The following MGAT4C variants were observed in gnomAD, a reference collection of about 807,000 sequenced individuals.
MGAT4C encodes MGAT4 family member C.
Under a neutral mutation model 40.1 loss-of-function variants are expected in MGAT4C, and 19 were observed. That is an observed-to-expected ratio of 0.47 (90% CI 0.33 to 0.70). The LOEUF (loss-of-function observed/expected upper bound fraction) is 0.70, where lower values mean the gene tolerates loss of function less well. Among genes scored for constraint, MGAT4C ranks in the 30% least tolerant of loss-of-function variants. MGAT4C has a pLI of 0.02. For synonymous variants in MGAT4C, 181 were observed against 187.1 expected (o/e 0.97, Z 0.27); for missense variants, 491 against 563.2 (o/e 0.87, Z 1.30).
chr12:86,323,266 A>T (rs1203214671), intron 4 of MGAT4C, among the ~76,000 whole-genome samples: 3 of 151,806 alleles, frequency 2.0e-5, no homozygotes, highest in Non-Finnish European at 4.4e-5. Context: ...TATAAAAATT[A>T]AGTGTTTAGT....
intron 1 of MGAT4C, among the ~76,000 whole-genome samples, chr12:86,099,998 CATTAT>C (rs915194359): frequency 2.6e-5 from 4 of 151,348 alleles, no homozygotes; most frequent in Non-Finnish European, 5.9e-5. Context: ...TATGAAACTA[CATTAT>C]AAGTGCACAA....
chr12:86,459,455 T>C (rs1268628369), intron 2 of MGAT4C, among the ~76,000 whole-genome samples: 2 of 151,742 alleles, frequency 1.3e-5, no homozygotes, highest in Non-Finnish European at 2.9e-5. Context: ...ATGGGCCACA[T>C]AGGAAGGGTC....
chr12:85,992,868 T>G (rs1805156159), intron 2 of MGAT4C, among the ~76,000 whole-genome samples: 1 of 152,138 alleles, frequency 6.6e-6, no homozygotes, highest in African/African-American at 2.4e-5. Flanking sequence ...TAAGCCCTCC[T>G]AGATGGCCAT....
chr12:86,448,628 G>A (rs1156647401), intron 2 of MGAT4C, among the ~76,000 whole-genome samples: 1 of 152,098 alleles, frequency 6.6e-6, no homozygotes, highest in Non-Finnish European at 1.5e-5. Flanking sequence ...GGTGCTCAAT[G>A]AATTATTTTT....
At chr12:86,236,114 T>C (rs1951530509) in intron 1 of MGAT4C, among the ~76,000 whole-genome samples, 1 of 152,054 alleles carries the variant, frequency 6.6e-6, no homozygotes, top group Non-Finnish European at 1.5e-5. Context: ...ATCACAGAAA[T>C]ACATGGTTCA....
rs1224047311 is a variant in MGAT4C, at chr12:85,967,260, TTAAG to T, written c.*12025_*12028del. On this transcript the variant is annotated 3_prime_UTR_variant, in exon 5 of 5. Coordinates refer to ENST00000611864, the MANE Select transcript of MGAT4C (RefSeq NM_001351288.2). ...GTGTATTCACTATAAATTGCTTTAATTAAGTGATGTTTGCCTAAGAACAAGTTTC... is the reference window on the plus strand; with the variant it reads ...GTGTATTCACTATAAATTGCTTTAATTGATGTTTGCCTAAGAACAAGTTTC... 6.6e-6 allele frequency: 1 copy of T among 152,096 alleles called. No individual in the cohort carries two copies. The highest frequency in any genetic ancestry group is 1.5e-5 in the Non-Finnish European group (1 of 68,014). The allele number at this position is 152,096 out of a possible 1,614,324, so 9.4% of individuals were successfully genotyped here. A position where few individuals can be genotyped will look rare whatever the true frequency, so the allele number is the denominator to read the frequency against.
chr12:86,733,165 C>G (rs1055611976), intron 1 of MGAT4C, among the ~76,000 whole-genome samples: 1 of 151,988 alleles, frequency 6.6e-6, no homozygotes, highest in Non-Finnish European at 1.5e-5. Context: ...CTGATGGGAT[C>G]TAAGAAGACT....
At chr12:86,304,358 T>A (rs985878835) in intron 4 of MGAT4C, among the ~76,000 whole-genome samples, 5 of 150,564 alleles carry the variant, frequency 3.3e-5, no homozygotes, top group South Asian at 2.1e-4. Flanking sequence ...TGAAAGAGCT[T>A]GAAGGAAACA....
At chr12:86,253,075 G>T (rs1952366742) in intron 1 of MGAT4C, among the ~76,000 whole-genome samples, 1 of 151,810 alleles carries the variant, frequency 6.6e-6, no homozygotes, top group African/African-American at 2.4e-5. Flanking sequence ...CACAAGAAAT[G>T]CAAATGAATG....
intron 1 of MGAT4C, among the ~76,000 whole-genome samples, chr12:86,774,817 G>A (rs1412453564): frequency 6.6e-6 from 1 of 152,052 alleles, no homozygotes; most frequent in African/African-American, 2.4e-5. Flanking sequence ...CTAATTTAAT[G>A]ATTGAAAATA....
chr12:86,432,327 A>G (rs1957056600), intron 3 of MGAT4C, among the ~76,000 whole-genome samples: 2 of 152,126 alleles, frequency 1.3e-5, no homozygotes, highest in African/African-American at 4.8e-5. Context: ...GTTTCTGTGA[A>G]GTAGCAGATA....
intron 2 of MGAT4C, among the ~76,000 whole-genome samples, chr12:86,545,424 A>G (rs188307281): frequency 6.6e-6 from 1 of 152,126 alleles, no homozygotes; most frequent in East Asian, 1.9e-4. Flanking sequence ...AACTCAGTCT[A>G]TAGTTCAATA....
intron 2 of MGAT4C, among the ~76,000 whole-genome samples, chr12:86,643,589 C>A (rs1343439130): frequency 6.6e-6 from 1 of 151,666 alleles, no homozygotes; most frequent in Non-Finnish European, 1.5e-5. Context: ...AAGCTACACA[C>A]AAAAGGCTAA....
intron 2 of MGAT4C, among the ~76,000 whole-genome samples, chr12:86,508,404 T>C (rs1366000410): frequency 2.6e-5 from 4 of 152,214 alleles, no homozygotes; most frequent in East Asian, 1.9e-4. Context: ...TTTTTTATGG[T>C]TGCATAGTAT....
Position 86,471,307 on chromosome 12 carries a change from A to G in MGAT4C, c.-228-36042T>C, listed in dbSNP as rs572162714. ...TTATCTGGTGGAGTTTTCAATGTAC[A>G]TGAATGTAATATATATGACAACTAT... is the stretch of plus-strand genomic sequence containing the variant. On this transcript the variant is annotated intron_variant, in intron 2 of 7. Transcript: ENST00000548651. Among the ~76,000 whole-genome samples the G allele has an allele frequency of 3.3e-5, 5 of 152,164 alleles. No individual in the cohort carries two copies. In the South Asian group the frequency reaches 1.0e-3, roughly 32 times the overall value.
intron 2 of MGAT4C, among the ~76,000 whole-genome samples, chr12:86,644,933 G>A (rs900647200): frequency 2.6e-5 from 4 of 151,714 alleles, no homozygotes; most frequent in African/African-American, 4.8e-5. Context: ...TATATTTTGA[G>A]TTAGGTACGG....
At chr12:86,511,681 GA>G (rs1958590061) in intron 2 of MGAT4C, among the ~76,000 whole-genome samples, 1 of 151,930 alleles carries the variant, frequency 6.6e-6, no homozygotes, top group Non-Finnish European at 1.5e-5. Flanking sequence ...ATGGTGCTGA[GA>G]AAACTGGATA....
At chr12:86,051,583 A>G (rs976744832) in intron 1 of MGAT4C, among the ~76,000 whole-genome samples, 1 of 151,856 alleles carries the variant, frequency 6.6e-6, no homozygotes, top group Non-Finnish European at 1.5e-5. Flanking sequence ...ATTAAATTAT[A>G]TATTATTTTT....
At chr12:86,652,068 A>T (rs1183562896) in intron 2 of MGAT4C, among the ~76,000 whole-genome samples, 1 of 151,844 alleles carries the variant, frequency 6.6e-6, no homozygotes, top group Non-Finnish European at 1.5e-5. Context: ...TAACTTCATA[A>T]TAAGTAGTTT....
Sources: gnomAD v4.1 joint callset for allele counts (sites outside exome capture counted in the v4.1 genomes callset) on GRCh38, gnomAD v4.1.1 for gene constraint, MANE v1.5 for transcripts, NCBI Gene and HGNC (gene_info 2026-07-23, HGNC 2026-07-21) for gene names.